The following RNF38 variants were observed in gnomAD, a reference collection of about 807,000 sequenced individuals.
The protein encoded by RNF38 is ring finger protein 38.
RNF38 carries 15 observed loss-of-function variants against 67.2 expected under a neutral mutation model. The ratio of observed to expected loss-of-function variants is 0.22; its 90% CI spans 0.15 to 0.34. The LOEUF is 0.34. Ranked by LOEUF, RNF38 falls within the 10% of genes least tolerant of loss-of-function variation. The pLI is 1.00. For missense variants in RNF38, 524 were observed against 639.9 expected (o/e 0.82, Z 1.95); for synonymous variants, 220 against 218.8 (o/e 1.01, Z -0.05).
At chr9:36,367,281 A>G (rs1835046296) in intron 4 of RNF38, among the ~76,000 whole-genome samples, 1 of 152,126 alleles carries the variant, frequency 6.6e-6, no homozygotes, top group Admixed American at 6.5e-5. Flanking sequence ...TACTTATTTT[A>G]TCTAGCACGC....
At position 36,373,739 on chromosome 9, in the gene RNF38, C is replaced by T. The variant is rs75283524; in HGVS notation, c.356+2195G>A. Among the ~76,000 whole-genome samples the T allele has an allele frequency of 3.8e-3, 571 of 151,606 alleles. 3 individuals are homozygous for T. Among genetic ancestry groups the T allele is most frequent in the African/African-American group, 0.013 (547 of 41,320 alleles). On this transcript the variant is annotated intron_variant, in intron 3 of 11. Transcript: ENST00000259605. ...ATCCGCCTGCCTCGGCCTCCCAAAG[C>T]GCTGGGATTACACGTTGTCAGCCAC...
At chr9:36,414,247 A>G (rs1176456914) in intron 2 of RNF38, among the ~76,000 whole-genome samples, 1 of 152,142 alleles carries the variant, frequency 6.6e-6, no homozygotes, top group Non-Finnish European at 1.5e-5. Flanking sequence ...ATTCAACGTT[A>G]GTATTGAGAT....
chr9:36,447,281 C>T (rs1051454508), intron 1 of RNF38, among the ~76,000 whole-genome samples: 1 of 152,144 alleles, frequency 6.6e-6, no homozygotes, highest in Non-Finnish European at 1.5e-5. Flanking sequence ...TATCACAATA[C>T]ATCACACTGT....
At chr9:36,345,342 C>T (rs1833149723) in intron 9 of RNF38, among the ~76,000 whole-genome samples, 2 of 152,150 alleles carry the variant, frequency 1.3e-5, no homozygotes, top group African/African-American at 4.8e-5. Context: ...TATTTTAAAA[C>T]AAAACTGAAA....
chr9:36,357,379 A>G (rs1271025435), intron 5 of RNF38, among the ~76,000 whole-genome samples: 2 of 152,194 alleles, frequency 1.3e-5, no homozygotes, highest in South Asian at 2.1e-4. Flanking sequence ...AAAACTCAGT[A>G]AGTGCTGAGA....
chr9:36,487,614 G>T, upstream of RNF38: 1 of 976,126 alleles, frequency 1.0e-6, no homozygotes, highest in Non-Finnish European at 1.2e-6. Context: ...CGCGGCAGGC[G>T]CTGGCTGGGC....
At chr9:36,486,858 A>G (rs961568428) in intron 1 of RNF38, among the ~76,000 whole-genome samples, 3 of 152,040 alleles carry the variant, frequency 2.0e-5, no homozygotes, top group African/African-American at 7.2e-5. Flanking sequence ...GCCAGGGTCC[A>G]GGGCCTGACC....
Position 36,390,453 on chromosome 9 carries a change from A to C in RNF38, c.162+14T>G. 3 of 1,607,898 alleles carry C rather than the reference A, an allele frequency of 1.9e-6. No homozygotes were observed. The highest frequency in any genetic ancestry group is 2.5e-6 in the Non-Finnish European group (3 of 1,177,326). On this transcript the variant is annotated intron_variant, in intron 2 of 11. Transcript: ENST00000259605. ...TTTCAGCCCTATGTAGGGAAAGGGTAAATATATAAGAACCTGGAAGAAAGC... is the reference window on the plus strand; with the variant it reads ...TTTCAGCCCTATGTAGGGAAAGGGTCAATATATAAGAACCTGGAAGAAAGC...
At chr9:36,400,053 TA>T in intron 1 of RNF38, 43 bp downstream of exon 1, 1 of 1,579,986 alleles carries the variant, frequency 6.3e-7, no homozygotes, top group Non-Finnish European at 8.7e-7. Context: ...TTTTACTGAA[TA>T]ATAGCATATA....
intron 11 of RNF38, among the ~76,000 whole-genome samples, 188 bp downstream of exon 11, chr9:36,342,135 GTA>G (rs1563991649): frequency 6.6e-6 from 1 of 151,478 alleles, no homozygotes; most frequent in African/African-American, 2.4e-5. Context: ...TTTGGATTTT[GTA>G]TAGTCACTCC....
intron 1 of RNF38, among the ~76,000 whole-genome samples, chr9:36,433,855 G>A (rs913679221): frequency 1.2e-4 from 19 of 152,010 alleles, no homozygotes; most frequent in African/African-American, 4.1e-4. Context: ...TAAAAAAACA[G>A]GCTCTCAAAC....
intron 2 of RNF38, chr9:36,424,563 G>T (rs1286449598): frequency 2.5e-6 from 2 of 804,680 alleles, no homozygotes; most frequent in Non-Finnish European, 3.0e-6. Flanking sequence ...ATCCAGCAAC[G>T]TAAGGTTGGC....
chr9:36,392,550 A>C lies in RNF38; in HGVS notation c.13-1934T>G, dbSNP rs576130242. 9.2e-5 allele frequency among the ~76,000 whole-genome samples: 14 copies of C among 152,318 alleles called. No homozygotes were observed. In the South Asian group the frequency reaches 2.5e-3, roughly 27 times the overall value. On this transcript the variant is annotated intron_variant, in intron 1 of 11. Transcript: ENST00000259605. ...ACAGGAGCTCAAGACTAGCCTGGAC[A>C]ACATAGAGAAAACCCCATCTCTACT...
chr9:36,396,651 G>A (rs1440267878), intron 1 of RNF38, among the ~76,000 whole-genome samples: 1 of 152,124 alleles, frequency 6.6e-6, no homozygotes, highest in Non-Finnish European at 1.5e-5. Context: ...CACGCTTAGA[G>A]TTATGCAAAA....
At chr9:36,463,485 A>G (rs1258412337) in intron 1 of RNF38, among the ~76,000 whole-genome samples, 1 of 152,150 alleles carries the variant, frequency 6.6e-6, no homozygotes, top group Non-Finnish European at 1.5e-5. Flanking sequence ...ACTCACAATT[A>G]TGCCATTCTG....
intron 2 of RNF38, among the ~76,000 whole-genome samples, chr9:36,379,080 A>C (rs1394152189): frequency 6.6e-6 from 1 of 151,952 alleles, no homozygotes; most frequent in Non-Finnish European, 1.5e-5. Context: ...TCATATTTTT[A>C]GTAGAGATGG....
At chr9:36,425,694 C>CA (rs1449436102) in intron 1 of RNF38, among the ~76,000 whole-genome samples, 34 of 145,998 alleles carry the variant, frequency 2.3e-4, no homozygotes, top group East Asian at 8.3e-4. Flanking sequence ...GACCCTGTTT[C>CA]AAAAAAAAAT....
intron 1 of RNF38, among the ~76,000 whole-genome samples, chr9:36,472,834 G>C (rs114987868): frequency 0.011 from 1,664 of 152,134 alleles, 27 homozygotes; most frequent in African/African-American, 0.038. Context: ...GGCTGGGTAC[G>C]GTGGCTCATA....
chr9:36,451,498 T>TTTTTGTTTGTTTG (rs1290658075), intron 1 of RNF38, among the ~76,000 whole-genome samples: 9 of 134,808 alleles, frequency 6.7e-5, no homozygotes, highest in African/African-American at 2.3e-4. Flanking sequence ...GTAGTTTTTT[T>TTTTTGTTTGTTTG]TTTTTTTTTT....
Sources: allele counts gnomAD v4.1 joint callset (sites outside exome capture counted in the v4.1 genomes callset), GRCh38; gene constraint gnomAD v4.1.1; transcripts MANE v1.5; gene names NCBI Gene and HGNC (gene_info 2026-07-23, HGNC 2026-07-21).